ZNF503: variants seen among roughly 807,000 people sequenced by gnomAD.
The protein encoded by ZNF503 is NocA-like zinc finger 2.
A neutral mutation model predicts 34.4 loss-of-function variants in ZNF503; 15 were observed. That is an observed-to-expected ratio of 0.44 (90% confidence interval 0.29 to 0.67). The LOEUF (loss-of-function observed/expected upper bound fraction) is 0.67. ZNF503 is among the 30% of genes least tolerant of loss of function. The pLI is 0.13. For missense variants in ZNF503, 1,007 were observed against 926.8 expected, an observed-to-expected ratio of 1.09 and a Z score of -1.12; for synonymous variants, 580 against 456.8, an observed-to-expected ratio of 1.27 and a Z score of -3.44.
At chr10:75,386,231 C>A in the ZNF503 span, among the ~76,000 whole-genome samples, 5 of 152,184 alleles carry the variant, frequency 3.3e-5, no homozygotes, top group African/African-American at 9.7e-5. Context: ...CTCCCTCTAC[C>A]CTTCTGTGGC....
chr10:75,386,727 C>T, the ZNF503 span, among the ~76,000 whole-genome samples: 10 of 152,366 alleles, frequency 6.6e-5, no homozygotes, highest in South Asian at 1.9e-3. Context: ...AAGACATGAT[C>T]TTTCCTGCTT....
the ZNF503 span, among the ~76,000 whole-genome samples, chr10:75,303,855 A>G: frequency 7.5e-6 from 1 of 132,960 alleles, no homozygotes; most frequent in African/African-American, 2.8e-5. Flanking sequence ...TTTTTTTGAG[A>G]CAGGGTCTTG....
chr10:75,399,432 A>T lies in ZNF503; in HGVS notation c.1258T>A (p.Ser420Thr). 6.3e-7 allele frequency: 1 copy of T among 1,597,030 alleles called. No homozygotes were observed. The highest frequency in any genetic ancestry group is 8.5e-7 in the Non-Finnish European group (1 of 1,176,292). Residue 420 changes from serine to threonine, a missense_variant, in exon 2 of 2, where the codon TCC (serine) becomes ACC (threonine). By Grantham distance (58) the Ser-to-Thr change is moderately conservative. Coordinates refer to ENST00000372524, the MANE Select transcript of ZNF503 (RefSeq NM_032772.6). ...SSPLAGASPP[S>T]VMTASLCRDP... ...CGGCACAAACTGGCTGTCATCACGG[A>T]CGGCGGAGACGCTCCGGCCAAAGGG...
chr10:75,339,670 T>G, the ZNF503 span, among the ~76,000 whole-genome samples: 1 of 151,984 alleles, frequency 6.6e-6, no homozygotes, highest in Non-Finnish European at 1.5e-5. Flanking sequence ...ACCTGTGCCT[T>G]GGTGATGCCC....
At chr10:75,357,275 TG>T in the ZNF503 span, among the ~76,000 whole-genome samples, 1 of 151,528 alleles carries the variant, frequency 6.6e-6, no homozygotes, top group Non-Finnish European at 1.5e-5. Flanking sequence ...TCCAACACTT[TG>T]GGGGGCAGAG....
chr10:75,366,755 G>A, the ZNF503 span, among the ~76,000 whole-genome samples: 2 of 152,298 alleles, frequency 1.3e-5, no homozygotes, highest in South Asian at 2.1e-4. Flanking sequence ...CCTTTACAAG[G>A]CAGGTTGGAA....
At chr10:75,381,687 C>T in the ZNF503 span, among the ~76,000 whole-genome samples, 1 of 151,760 alleles carries the variant, frequency 6.6e-6, no homozygotes, top group African/African-American at 2.4e-5. Flanking sequence ...CATGAATTTG[C>T]CATGCCAATC....
the ZNF503 span, among the ~76,000 whole-genome samples, chr10:75,294,735 G>C: frequency 7.0e-6 from 1 of 143,804 alleles, no homozygotes; most frequent in Non-Finnish European, 1.5e-5. Flanking sequence ...GGGAAGGAGA[G>C]GAGGGGCGGC....
At chr10:75,345,650 AAAG>A in the ZNF503 span, among the ~76,000 whole-genome samples, 1 of 150,634 alleles carries the variant, frequency 6.6e-6, no homozygotes, top group Non-Finnish European at 1.5e-5. Context: ...AAAAAAAAAA[AAAG>A]AAAAGAAAAG....
chr10:75,366,041 C>T, the ZNF503 span, among the ~76,000 whole-genome samples: 1 of 152,172 alleles, frequency 6.6e-6, no homozygotes, highest in East Asian at 1.9e-4. Flanking sequence ...GTGGAGATTA[C>T]CCCCTTGGCC....
At chr10:75,318,756 G>T in the ZNF503 span, among the ~76,000 whole-genome samples, 1 of 151,364 alleles carries the variant, frequency 6.6e-6, no homozygotes, top group Admixed American at 6.6e-5. Context: ...AAACAGAAAG[G>T]AAATAATAAA....
the ZNF503 span, among the ~76,000 whole-genome samples, chr10:75,330,889 G>A: frequency 3.3e-5 from 5 of 151,734 alleles, no homozygotes; most frequent in South Asian, 2.1e-4. Flanking sequence ...ACTAATTTTG[G>A]GGTTGGTTTA....
In ZNF503 at chr10:75,401,444, G is replaced by A. The variant is rs1487395717; in HGVS notation, c.-25C>T. The A allele has an allele frequency of 1.3e-6, 2 of 1,524,748 alleles. No homozygotes were observed. The highest frequency in any genetic ancestry group is 1.8e-6 in the Non-Finnish European group (2 of 1,142,186). 94.5% of individuals were successfully genotyped at this position (1,524,748 alleles called of 1,614,324 possible). The stretch of plus-strand genomic sequence containing the variant: ...TGACCCACCCGCGCGCATGGGAGCA[G>A]CGGGGGGGAGGGCTCCGGGAGGCGC... On this transcript the variant is annotated 5_prime_UTR_variant, in exon 1 of 2. Coordinates refer to ENST00000372524, the MANE Select transcript of ZNF503 (RefSeq NM_032772.6).
the ZNF503 span, among the ~76,000 whole-genome samples, chr10:75,386,484 C>T: frequency 6.6e-6 from 1 of 152,204 alleles, no homozygotes; most frequent in Non-Finnish European, 1.5e-5. Context: ...TCCATTCCAG[C>T]TCAGCCATTC....
At chr10:75,391,272 C>G in the ZNF503 span, among the ~76,000 whole-genome samples, 1 of 152,144 alleles carries the variant, frequency 6.6e-6, no homozygotes, top group Non-Finnish European at 1.5e-5. Flanking sequence ...GGCTGAGGAG[C>G]GGTGTGGTAT....
chr10:75,355,210 C>T, the ZNF503 span, among the ~76,000 whole-genome samples: 9 of 152,186 alleles, frequency 5.9e-5, no homozygotes, highest in Non-Finnish European at 8.8e-5. Context: ...ATTTTCTACA[C>T]GTTAAAACCT....
the ZNF503 span, among the ~76,000 whole-genome samples, chr10:75,377,469 C>T: frequency 6.6e-6 from 1 of 152,116 alleles, no homozygotes; most frequent in African/African-American, 2.4e-5. Context: ...TTTTCAGGGT[C>T]CCATTCTGAA....
the ZNF503 span, among the ~76,000 whole-genome samples, chr10:75,333,871 G>A: frequency 2.6e-5 from 1 of 39,070 alleles, no homozygotes; most frequent in African/African-American, 2.1e-4. Context: ...GGTCTCGGCC[G>A]GGCAGAGGCG....
At chr10:75,337,618 C>CAAAAAA in the ZNF503 span, among the ~76,000 whole-genome samples, 1 of 148,376 alleles carries the variant, frequency 6.7e-6, no homozygotes, top group Non-Finnish European at 1.5e-5. Flanking sequence ...ACTCCGTCTC[C>CAAAAAA]AAAAGAAAAA....
Sources: allele counts gnomAD v4.1 joint callset (sites outside exome capture counted in the v4.1 genomes callset), GRCh38; gene constraint gnomAD v4.1.1; transcripts MANE v1.5; gene names NCBI Gene and HGNC (gene_info 2026-07-23, HGNC 2026-07-21).